The following ARL15 variants were observed in gnomAD, a reference collection of about 807,000 sequenced individuals.
ARL15 encodes ADP-ribosylation factor-like protein 15.
ARL15 carries 19 observed loss-of-function variants against 25.2 expected under a neutral mutation model. That is an observed-to-expected ratio of 0.75 (90% confidence interval 0.53 to 1.10). The LOEUF (loss-of-function observed/expected upper bound fraction) is 1.10, where lower values mean the gene tolerates loss of function less well. Among genes scored for constraint, ARL15 ranks in the 50% least tolerant of loss-of-function variants. The probability of loss-of-function intolerance (pLI) is 0.00; values close to 1 mark genes in which losing one functional copy is unlikely to be tolerated. For synonymous variants in ARL15, 94 were observed against 86.8 expected, an observed-to-expected ratio of 1.08 and a Z score of -0.46; for missense variants, 220 against 246.0, an observed-to-expected ratio of 0.89 and a Z score of 0.71.
At chr5:53,958,554 T>A (rs1328302562) in intron 4 of ARL15, among the ~76,000 whole-genome samples, 1 of 152,192 alleles carries the variant, frequency 6.6e-6, no homozygotes, top group African/African-American at 2.4e-5. Flanking sequence ...GCAAAAAGGT[T>A]AAGATTCTTG....
At chr5:54,183,814 G>A (rs1274237185) in intron 1 of ARL15, among the ~76,000 whole-genome samples, 114 of 151,364 alleles carry the variant, frequency 7.5e-4, no homozygotes, top group South Asian at 1.5e-3. Context: ...TGTTTATTGC[G>A]GCATTATTCA....
chr5:54,258,703 C>T (rs1480167441), intron 1 of ARL15, among the ~76,000 whole-genome samples: 1 of 152,104 alleles, frequency 6.6e-6, no homozygotes, highest in Non-Finnish European at 1.5e-5. Flanking sequence ...GCCACCAGAT[C>T]AGAAGGGGAA....
intron 4 of ARL15, among the ~76,000 whole-genome samples, chr5:53,958,755 A>T (rs902213158): frequency 6.6e-6 from 1 of 152,224 alleles, no homozygotes. Flanking sequence ...ACCAAAAAAC[A>T]GTTGGTGTGA....
chr5:54,282,165 C>T, intron 1 of ARL15: 1 of 741,500 alleles, frequency 1.3e-6, no homozygotes, highest in Non-Finnish European at 1.6e-6. Context: ...ATTTATACCC[C>T]CATCAGCAGT....
At chr5:54,039,517 G>C (rs1173598877) in intron 4 of ARL15, among the ~76,000 whole-genome samples, 2 of 152,038 alleles carry the variant, frequency 1.3e-5, no homozygotes, top group East Asian at 3.9e-4. Flanking sequence ...AAGGCAAATA[G>C]TGCCGGGTGT....
chr5:54,040,275 G>A (rs1035828621), intron 4 of ARL15, among the ~76,000 whole-genome samples: 10 of 152,128 alleles, frequency 6.6e-5, no homozygotes, highest in African/African-American at 2.2e-4. Flanking sequence ...AATGCACTTT[G>A]TCCCTCTTTT....
intron 1 of ARL15, among the ~76,000 whole-genome samples, chr5:54,241,561 T>C (rs1383229695): frequency 6.6e-6 from 1 of 152,212 alleles, no homozygotes; most frequent in South Asian, 2.1e-4. Flanking sequence ...GGTAAAATAA[T>C]AGTGTTTATT....
intron 1 of ARL15, among the ~76,000 whole-genome samples, chr5:54,303,194 G>A (rs948720465): frequency 6.6e-6 from 1 of 151,848 alleles, no homozygotes; most frequent in African/African-American, 2.4e-5. Context: ...GGCAGTGCGT[G>A]GCAAAAGAAC....
chr5:53,996,618 T>TAA (rs529752025), intron 4 of ARL15, among the ~76,000 whole-genome samples: 3,072 of 98,178 alleles, frequency 0.031, 166 homozygotes, highest in African/African-American at 0.11. Context: ...GACTGTCTCA[T>TAA]AAAAAAAAAA....
At chr5:54,136,550 G>A (rs556793850) in intron 3 of ARL15, among the ~76,000 whole-genome samples, 26 of 151,942 alleles carry the variant, frequency 1.7e-4, no homozygotes, top group East Asian at 1.5e-3. Context: ...CACGCAAACT[G>A]ATCTTTTAAC....
Position 54,299,446 on chromosome 5 carries a change from C to T in ARL15, c.48+10986G>A, listed in dbSNP as rs143240080. Among the ~76,000 whole-genome samples, 3 of 152,266 alleles carry T rather than the reference C, an allele frequency of 2.0e-5. No homozygotes were observed. In the East Asian group the frequency reaches 5.8e-4, roughly 29 times the overall value. Reference sequence around the variant, plus strand: ...GTCTTAGGCACAACATTTAATTTCTCTAAGCTTCAGTTTTCTAATCTCTAA... The same window carrying T: ...GTCTTAGGCACAACATTTAATTTCTTTAAGCTTCAGTTTTCTAATCTCTAA... On this transcript the variant is annotated intron_variant, in intron 1 of 4. Coordinates refer to ENST00000504924, the MANE Select transcript of ARL15 (RefSeq NM_019087.3).
chr5:54,289,647 C>T (rs1758276097), intron 1 of ARL15, among the ~76,000 whole-genome samples: 1 of 152,140 alleles, frequency 6.6e-6, no homozygotes, highest in African/African-American at 2.4e-5. Flanking sequence ...TTAAGACTTT[C>T]TGGAATCAAA....
chr5:54,199,077 G>A (rs1281476220), intron 1 of ARL15, among the ~76,000 whole-genome samples: 2 of 151,908 alleles, frequency 1.3e-5, no homozygotes, highest in East Asian at 3.8e-4. Context: ...ATGGTGCTGG[G>A]AAAACTGGCT....
At chr5:54,215,378 G>T (rs1756165977) in intron 1 of ARL15, among the ~76,000 whole-genome samples, 1 of 152,126 alleles carries the variant, frequency 6.6e-6, no homozygotes, top group African/African-American at 2.4e-5. Flanking sequence ...TCTGTCTGCT[G>T]CACGGCCAGT....
intron 4 of ARL15, among the ~76,000 whole-genome samples, chr5:54,049,411 C>T (rs866606472): frequency 6.6e-6 from 1 of 151,832 alleles, no homozygotes; most frequent in Non-Finnish European, 1.5e-5. Flanking sequence ...CAGCACTATA[C>T]ATAGGTATCT....
intron 4 of ARL15, among the ~76,000 whole-genome samples, chr5:53,953,671 G>A (rs1747049665): frequency 6.6e-6 from 1 of 152,138 alleles, no homozygotes; most frequent in Admixed American, 6.5e-5. Flanking sequence ...GGTGCAGTGG[G>A]AAATACATTT....
intron 2 of ARL15, among the ~76,000 whole-genome samples, chr5:54,162,520 T>A (rs1202654681): frequency 1.3e-5 from 2 of 152,164 alleles, no homozygotes; most frequent in African/African-American, 4.8e-5. Flanking sequence ...GAACACTTCA[T>A]CATAGCCACT....
intron 1 of ARL15, among the ~76,000 whole-genome samples, chr5:54,280,931 G>A (rs1382688927): frequency 6.7e-6 from 1 of 148,258 alleles, no homozygotes; most frequent in East Asian, 2.0e-4. Flanking sequence ...CCCAAGTTAA[G>A]AAATGAGCTC....
At chr5:54,097,408 A>G (rs568336578) in intron 4 of ARL15, among the ~76,000 whole-genome samples, 2 of 71,194 alleles carry the variant, frequency 2.8e-5, no homozygotes, top group Non-Finnish European at 5.5e-5. Context: ...CTTCAAACAC[A>G]AAGTTTTAGA....
Sources: gnomAD v4.1 joint callset for allele counts (sites outside exome capture counted in the v4.1 genomes callset) on GRCh38, gnomAD v4.1.1 for gene constraint, MANE v1.5 for transcripts, NCBI Gene and HGNC (gene_info 2026-07-23, HGNC 2026-07-21) for gene names.